Variants in ELOVL7 observed in about 807,000 individuals in gnomAD.
ELOVL7 encodes the protein ELOVL fatty acid elongase 7.
Under a neutral mutation model 35.7 loss-of-function variants are expected in ELOVL7, and 27 were observed. That is an observed-to-expected ratio of 0.76 (90% confidence interval 0.56 to 1.04). The LOEUF is 1.04. Among genes scored for constraint, ELOVL7 ranks in the 50% least tolerant of loss-of-function variants. The pLI, the probability that ELOVL7 is intolerant of heterozygous loss-of-function variation, is 0.00. For synonymous variants in ELOVL7, 113 were observed against 114.6 expected (o/e 0.99, Z 0.09); for missense variants, 327 against 340.8 (o/e 0.96, Z 0.32).
chr5:60,827,237 G>A (rs535948603), intron 1 of ELOVL7, among the ~76,000 whole-genome samples: 73 of 152,182 alleles, frequency 4.8e-4, no homozygotes, highest in Non-Finnish European at 8.8e-4. Flanking sequence ...TTTAGGTTAC[G>A]TAATTTTGAT....
intron 1 of ELOVL7, among the ~76,000 whole-genome samples, chr5:60,843,211 G>A (rs146056342): frequency 6.6e-6 from 1 of 152,084 alleles, no homozygotes; most frequent in South Asian, 2.1e-4. Context: ...AGTCGACGCG[G>A]GACTAACTAC....
chr5:60,768,660 A>T (rs1561427300), intron 4 of ELOVL7: 1 of 455,934 alleles, frequency 2.2e-6, no homozygotes, highest in East Asian at 7.0e-5. Context: ...TTTCAGTCTG[A>T]TGGTGGGAAG....
At chr5:60,826,238 A>G (rs1346827362) in intron 1 of ELOVL7, among the ~76,000 whole-genome samples, 2 of 152,208 alleles carry the variant, frequency 1.3e-5, no homozygotes, top group Admixed American at 1.3e-4. Context: ...TTTTGTATTT[A>G]TGAGTACAGT....
At chr5:60,789,401 T>C (rs1368355570) in intron 2 of ELOVL7, among the ~76,000 whole-genome samples, 1 of 152,236 alleles carries the variant, frequency 6.6e-6, no homozygotes, top group African/African-American at 2.4e-5. Flanking sequence ...ATATTTTTTG[T>C]CTATTGAATA....
chr5:60,783,147 C>T (rs978249212), intron 3 of ELOVL7, among the ~76,000 whole-genome samples: 1 of 152,112 alleles, frequency 6.6e-6, no homozygotes, highest in African/African-American at 2.4e-5. Flanking sequence ...GACCAAGTTT[C>T]CTCACCTGTA....
At chr5:60,813,070 T>C (rs1353107831) in intron 1 of ELOVL7, among the ~76,000 whole-genome samples, 1 of 152,206 alleles carries the variant, frequency 6.6e-6, no homozygotes. Flanking sequence ...ATTTGGATAT[T>C]CCACCATCAC....
At chr5:60,770,850 G>A (rs1009271274) in intron 4 of ELOVL7, among the ~76,000 whole-genome samples, 4 of 152,186 alleles carry the variant, frequency 2.6e-5, no homozygotes, top group East Asian at 3.9e-4. Context: ...GGCGTGCACC[G>A]CCACGCCTGG....
At chr5:60,763,789 T>A (rs1162182543) in intron 7 of ELOVL7, among the ~76,000 whole-genome samples, 4 of 152,184 alleles carry the variant, frequency 2.6e-5, no homozygotes, top group Non-Finnish European at 5.9e-5. Flanking sequence ...GGTTAGAGTG[T>A]GTGTCAGCTA....
At chr5:60,774,301 C>T (rs1179915677) in intron 3 of ELOVL7, among the ~76,000 whole-genome samples, 1 of 152,244 alleles carries the variant, frequency 6.6e-6, no homozygotes, top group Admixed American at 6.5e-5. Context: ...TAATTCACCA[C>T]GATTAAGTGG....
At chr5:60,768,800 A>T (rs1335126892) in intron 4 of ELOVL7, 3 of 378,312 alleles carry the variant, frequency 7.9e-6, no homozygotes, top group Non-Finnish European at 1.5e-5. Flanking sequence ...CATGCCAAAT[A>T]CCCCCTGGGA....
At chr5:60,819,302 G>T (rs922376005) in intron 1 of ELOVL7, among the ~76,000 whole-genome samples, 1 of 152,010 alleles carries the variant, frequency 6.6e-6, no homozygotes, top group African/African-American at 2.4e-5. Context: ...ACTACTAGTT[G>T]AATAGATGGG....
chr5:60,772,475 C>A (rs1742657499), intron 3 of ELOVL7, among the ~76,000 whole-genome samples: 1 of 152,124 alleles, frequency 6.6e-6, no homozygotes, highest in African/African-American at 2.4e-5. Context: ...AGACTTCCAC[C>A]CTCTGAATGT....
At chr5:60,812,465 G>A (rs1404287636) in intron 1 of ELOVL7, among the ~76,000 whole-genome samples, 1 of 152,084 alleles carries the variant, frequency 6.6e-6, no homozygotes, top group Admixed American at 6.5e-5. Flanking sequence ...CTCTAGGCTG[G>A]AGAGGACAAG....
At chr5:60,821,540 T>G (rs980238298) in intron 1 of ELOVL7, among the ~76,000 whole-genome samples, 14 of 152,212 alleles carry the variant, frequency 9.2e-5, no homozygotes, top group African/African-American at 3.1e-4. Context: ...TAGCTCACTT[T>G]TCATAATTCT....
intron 4 of ELOVL7, among the ~76,000 whole-genome samples, chr5:60,769,154 T>C (rs1335428670): frequency 6.6e-6 from 1 of 152,196 alleles, no homozygotes; most frequent in Admixed American, 6.6e-5. Flanking sequence ...ATTTCACGAA[T>C]GAGAAAAATA....
At chr5:60,786,299 A>C in intron 3 of ELOVL7, among the ~76,000 whole-genome samples, 1 of 152,162 alleles carries the variant, frequency 6.6e-6, no homozygotes, top group South Asian at 2.1e-4. Context: ...TCTGCTTTTA[A>C]AACTTTAAAA....
intron 1 of ELOVL7, chr5:60,802,495 A>G (rs887738627): frequency 6.6e-6 from 1 of 152,194 alleles, no homozygotes; most frequent in Non-Finnish European, 1.5e-5. Context: ...CATCTGGGTC[A>G]AGAAGGGCAG....
At chr5:60,842,460 A>T (rs73759430) in intron 1 of ELOVL7, among the ~76,000 whole-genome samples, 2,943 of 150,238 alleles carry the variant, frequency 0.02, 116 homozygotes, top group African/African-American at 0.068. Flanking sequence ...TACAGGTGAT[A>T]GATGAAGTAA....
intron 1 of ELOVL7, among the ~76,000 whole-genome samples, chr5:60,822,400 C>T (rs1276706480): frequency 6.6e-6 from 1 of 152,198 alleles, no homozygotes; most frequent in Admixed American, 6.5e-5. Context: ...CAAGCTTTAG[C>T]TATAGGCAAA....
Sources: gnomAD v4.1 joint callset for allele counts (sites outside exome capture counted in the v4.1 genomes callset) on GRCh38, gnomAD v4.1.1 for gene constraint, MANE v1.5 for transcripts, NCBI Gene and HGNC (gene_info 2026-07-23, HGNC 2026-07-21) for gene names.